Variants in ZNF804A observed in about 807,000 individuals in gnomAD.
ZNF804A encodes the protein zinc finger protein 804A.
In ZNF804A, 2 loss-of-function variants were observed where a neutral mutation model predicts 16.5. The ratio of observed to expected loss-of-function variants is 0.12; its 90% confidence interval spans 0.05 to 0.38. The LOEUF (loss-of-function observed/expected upper bound fraction) is 0.38. Among genes scored for constraint, ZNF804A ranks in the 10% least tolerant of loss-of-function variants. The probability of loss-of-function intolerance (pLI) is 0.99; values close to 1 mark genes in which losing one functional copy is unlikely to be tolerated. For synonymous variants in ZNF804A, 534 were observed against 489.6 expected (o/e 1.09, Z -1.20); for missense variants, 1,473 against 1,390.7 (o/e 1.06, Z -0.94).
intron 1 of ZNF804A, among the ~76,000 whole-genome samples, chr2:184,855,583 C>G (rs1277822869): frequency 6.7e-6 from 1 of 148,308 alleles, no homozygotes; most frequent in Admixed American, 6.8e-5. Flanking sequence ...TATATATATA[C>G]TGTAATGTAC....
chr2:184,699,247 A>G (rs1429777019), intron 1 of ZNF804A, among the ~76,000 whole-genome samples: 1 of 152,140 alleles, frequency 6.6e-6, no homozygotes, highest in Non-Finnish European at 1.5e-5. Flanking sequence ...GAATTACCAA[A>G]TATTCTAGGC....
chr2:184,740,123 C>T (rs1693691367), intron 1 of ZNF804A, among the ~76,000 whole-genome samples: 1 of 152,176 alleles, frequency 6.6e-6, no homozygotes, highest in African/African-American at 2.4e-5. Context: ...TCAAGGGACT[C>T]ATAGTCTCAT....
At chr2:184,760,196 G>C (rs1319516502) in intron 1 of ZNF804A, among the ~76,000 whole-genome samples, 1 of 152,050 alleles carries the variant, frequency 6.6e-6, no homozygotes, top group Non-Finnish European at 1.5e-5. Context: ...CAATTGCTTG[G>C]CTTGGGCTCA....
intron 1 of ZNF804A, among the ~76,000 whole-genome samples, chr2:184,768,546 C>A (rs1487262144): frequency 6.6e-6 from 1 of 152,014 alleles, no homozygotes; most frequent in Non-Finnish European, 1.5e-5. Context: ...GCACAGATTA[C>A]TGGGTGAATC....
chr2:184,933,468 A>G, intron 2 of ZNF804A, 135 bp from the exon 3 acceptor site: 1 of 719,258 alleles, frequency 1.4e-6, no homozygotes, highest in Non-Finnish European at 2.1e-6. Context: ...TTAGAAGTGG[A>G]TTGTCATGAA....
intron 2 of ZNF804A, among the ~76,000 whole-genome samples, chr2:184,867,628 A>G (rs1487603791): frequency 6.6e-6 from 1 of 152,102 alleles, no homozygotes; most frequent in African/African-American, 2.4e-5. Flanking sequence ...CCCTGGTAGT[A>G]GATCTGTTGG....
At chr2:184,896,209 A>G (rs555437403) in intron 2 of ZNF804A, among the ~76,000 whole-genome samples, 125 of 152,248 alleles carry the variant, frequency 8.2e-4, no homozygotes, top group African/African-American at 3.0e-3. Flanking sequence ...TGAAGCAGTA[A>G]GAAATCTGGG....
intron 1 of ZNF804A, among the ~76,000 whole-genome samples, chr2:184,657,776 T>C (rs1463543776): frequency 6.6e-6 from 1 of 152,192 alleles, no homozygotes; most frequent in African/African-American, 2.4e-5. Context: ...GGATGGATTT[T>C]TATAAGCAAT....
At chr2:184,824,822 C>T (rs559883934) in intron 1 of ZNF804A, among the ~76,000 whole-genome samples, 4 of 152,126 alleles carry the variant, frequency 2.6e-5, no homozygotes, top group Non-Finnish European at 4.4e-5. Context: ...GACTGGCAGC[C>T]AGGACTTAGC....
At chr2:184,681,772 G>A (rs758848667) in intron 1 of ZNF804A, among the ~76,000 whole-genome samples, 29 of 152,308 alleles carry the variant, frequency 1.9e-4, no homozygotes, top group Non-Finnish European at 2.8e-4. Flanking sequence ...CTGAATTAAA[G>A]GGGCAGGAGC....
intron 1 of ZNF804A, among the ~76,000 whole-genome samples, chr2:184,643,100 G>T (rs548684834): frequency 1.3e-5 from 2 of 151,978 alleles, no homozygotes; most frequent in African/African-American, 4.8e-5. Context: ...TCTACTAGTG[G>T]CATGGCATAA....
At chr2:184,792,371 GTAGCAGTA>G (rs1694561367) in intron 1 of ZNF804A, among the ~76,000 whole-genome samples, 1 of 152,112 alleles carries the variant, frequency 6.6e-6, no homozygotes, top group African/African-American at 2.4e-5. Context: ...TAATAGATGT[GTAGCAGTA>G]TATTTTTCTA....
intron 2 of ZNF804A, among the ~76,000 whole-genome samples, chr2:184,868,279 C>G (rs1485288915): frequency 6.6e-6 from 1 of 152,036 alleles, no homozygotes; most frequent in Non-Finnish European, 1.5e-5. Context: ...TCTATAGAAT[C>G]TTTTATGCCT....
At chr2:184,880,331 T>G (rs564207632) in intron 2 of ZNF804A, among the ~76,000 whole-genome samples, 1 of 152,048 alleles carries the variant, frequency 6.6e-6, no homozygotes, top group Non-Finnish European at 1.5e-5. Context: ...GCAGCTTAGC[T>G]TTTTTTATTA....
chr2:184,603,564 C>T (rs943070323), intron 1 of ZNF804A, among the ~76,000 whole-genome samples: 4 of 152,144 alleles, frequency 2.6e-5, no homozygotes, highest in African/African-American at 9.7e-5. Context: ...GGCTTCTCTT[C>T]TCATCGAAAC....
intron 1 of ZNF804A, among the ~76,000 whole-genome samples, chr2:184,770,223 G>T (rs1457988995): frequency 1.3e-5 from 2 of 152,048 alleles, no homozygotes; most frequent in Non-Finnish European, 2.9e-5. Context: ...GTAACAAATT[G>T]TGTGTGAGTT....
chr2:184,916,588 G>A (rs934873929), intron 2 of ZNF804A, among the ~76,000 whole-genome samples: 11 of 152,170 alleles, frequency 7.2e-5, no homozygotes, highest in East Asian at 1.9e-4. Flanking sequence ...GGTGGCTGAC[G>A]CCTGCAATCC....
At position 184,939,260 on chromosome 2, in the gene ZNF804A, A is replaced by G. The variant is rs1685855780; in HGVS notation, c.*234A>G. 6.9e-6 allele frequency: 3 copies of G among 436,250 alleles called. No homozygotes were observed. Among genetic ancestry groups the G allele is most frequent in the South Asian group, 4.5e-5 (1 of 22,418 alleles). The allele number at this position is 436,250 out of a possible 1,614,324, so 27.0% of individuals were successfully genotyped here. A position where few individuals can be genotyped will look rare whatever the true frequency, so the allele number is the denominator to read the frequency against. ...TTTGAAAATCAATACAATATATGCT[A>G]TATATTAAAATGATGTCTTAAGAGT... On this transcript the variant is annotated 3_prime_UTR_variant, in exon 4 of 4. Transcript: ENST00000302277.
chr2:184,732,828 G>A (rs1693541235), intron 1 of ZNF804A, among the ~76,000 whole-genome samples: 1 of 152,010 alleles, frequency 6.6e-6, no homozygotes, highest in African/African-American at 2.4e-5. Flanking sequence ...CTCCCCACTT[G>A]TTCATTTGGC....
Sources: allele counts gnomAD v4.1 joint callset (sites outside exome capture counted in the v4.1 genomes callset), GRCh38; gene constraint gnomAD v4.1.1; transcripts MANE v1.5; gene names NCBI Gene and HGNC (gene_info 2026-07-23, HGNC 2026-07-21).